Variants in PHF20L1 observed in about 807,000 individuals in gnomAD.
PHF20L1 encodes PHD finger protein 20-like protein 1.
A neutral mutation model predicts 125.5 loss-of-function variants in PHF20L1; 44 were observed. The observed-to-expected ratio is 0.35, with a 90% CI of 0.28 to 0.45. The LOEUF is 0.45. Ranked by LOEUF, PHF20L1 falls within the 20% of genes least tolerant of loss-of-function variation. The probability of loss-of-function intolerance (pLI) is 1.00; values close to 1 mark genes in which losing one functional copy is unlikely to be tolerated. For synonymous variants in PHF20L1, 380 were observed against 403.1 expected, an observed-to-expected ratio of 0.94 and a Z score of 0.69; for missense variants, 1,012 against 1,217.2, an observed-to-expected ratio of 0.83 and a Z score of 2.51.
In PHF20L1 at chr8:132,811,120, C is replaced by A; in HGVS notation, c.922C>A (p.Leu308Met). 1 of 1,610,056 alleles carries A rather than the reference C, an allele frequency of 6.2e-7. No homozygotes were observed. Among genetic ancestry groups the A allele is most frequent in the Non-Finnish European group, 8.5e-7 (1 of 1,176,662 alleles). The change falls in exon 9 of 21, where the codon CTG becomes ATG. Residue 308 changes from leucine to methionine, a missense_variant. Leu to Met is a conservative substitution (Grantham distance 15). This residue lies in a region of PHF20L1 where 119 missense variants were observed against 160.2 expected (regional missense o/e 0.74). Coordinates refer to ENST00000395386, the MANE Select transcript of PHF20L1 (RefSeq NM_016018.5). The part of the protein sequence containing the change: ...KEDYNETAPM[L>M]EQAISPKPQS... ...AGACTACAATGAAACAGCTCCAATG[C>A]TGGAGCAGGTATGAAATGGTAGCAT...
intron 4 of PHF20L1, 94 bp from the exon 5 acceptor site, chr8:132,798,678 C>A (rs369046359): frequency 4.1e-6 from 3 of 724,984 alleles, no homozygotes; most frequent in Non-Finnish European, 4.5e-6. Context: ...ATTCCTAAAG[C>A]ATTTATCTAT....
chr8:132,795,036 T>G (rs1832219704), intron 4 of PHF20L1, among the ~76,000 whole-genome samples: 1 of 152,146 alleles, frequency 6.6e-6, no homozygotes, highest in Non-Finnish European at 1.5e-5. Context: ...TAGACAAAAA[T>G]AGTTGGTTAA....
At position 132,825,255 on chromosome 8, in the gene PHF20L1, A is replaced by G. The variant is rs759851340; in HGVS notation, c.1637-9A>G. 11 of 1,593,072 alleles carry G rather than the reference A, an allele frequency of 6.9e-6. No individual in the cohort carries two copies. The South Asian group carries it at 1.1e-4, about 16-fold the overall frequency. ...CGTGATTGCTAAAGTATTCACTTTTATCTTTTAGGTAAGAGAAAAGAAAAA... is the reference window on the plus strand; with the variant it reads ...CGTGATTGCTAAAGTATTCACTTTTGTCTTTTAGGTAAGAGAAAAGAAAAA... On this transcript the variant is annotated splice_polypyrimidine_tract_variant and intron_variant, in intron 13 of 20. Transcript: ENST00000395386.
chr8:132,799,331 CCTGACACT>C, intron 6 of PHF20L1, 159 bp downstream of exon 6: 1 of 526,546 alleles, frequency 1.9e-6, no homozygotes, highest in East Asian at 3.0e-5. Flanking sequence ...AAGGCGCTTA[CCTGACACT>C]CTGTAGGCTG....
rs762574749 is a variant in PHF20L1 at position 132,804,626 on chromosome 8, G to C, written c.733G>C (p.Glu245Gln). 1 of 1,606,646 alleles carries C rather than the reference G, an allele frequency of 6.2e-7. No individual in the cohort carries two copies. The highest frequency in any genetic ancestry group is 1.1e-5 in the South Asian group (1 of 90,836). Residue 245 changes from glutamate (E) to glutamine (Q), a missense_variant, in exon 8 of 21, where the codon GAG becomes CAG. Coordinates refer to ENST00000395386, the MANE Select transcript of PHF20L1 (RefSeq NM_016018.5). The stretch of plus-strand genomic sequence containing the variant: ...TCTGTTGAAAGTAGGACTTCATGTA[G>C]AGAACGTTCCAAAGATGGTCTTTCC... ...TSSETFGLHVENVPKMVFPQP... is the reference protein window; with the variant it reads ...TSSETFGLHVQNVPKMVFPQP...
chr8:132,805,863 A>G (rs1389080832), intron 8 of PHF20L1, among the ~76,000 whole-genome samples: 3 of 151,932 alleles, frequency 2.0e-5, no homozygotes, highest in Non-Finnish European at 2.9e-5. Context: ...CTGATAAAGG[A>G]TATACTTGGC....
chr8:132,813,980 GT>G (rs137863501), intron 9 of PHF20L1, among the ~76,000 whole-genome samples: 18 of 146,734 alleles, frequency 1.2e-4, no homozygotes, highest in Non-Finnish European at 1.7e-4. Flanking sequence ...TATCTCTTTG[GT>G]TTTTTTTTTG....
intron 7 of PHF20L1, 30 bp from the exon 8 acceptor site, chr8:132,804,585 A>T (rs1833469870): frequency 6.5e-7 from 1 of 1,547,880 alleles, no homozygotes; most frequent in Non-Finnish European, 8.8e-7. Flanking sequence ...TTCTAGATAA[A>T]CTCTCATATA....
At chr8:132,809,579 C>T (rs770206402) in intron 8 of PHF20L1, 11 of 152,120 alleles carry the variant, frequency 7.2e-5, no homozygotes, top group Non-Finnish European at 1.2e-4. Context: ...ATCATACTGC[C>T]TTTGAGGGGG....
At chr8:132,815,448 A>T (rs1193911368) in intron 10 of PHF20L1, 5 of 151,874 alleles carry the variant, frequency 3.3e-5, no homozygotes, top group Admixed American at 2.0e-4. Context: ...TCACATGGGT[A>T]TATCTATCTA....
intron 19 of PHF20L1, chr8:132,843,271 G>A (rs557499064): frequency 5.5e-4 from 543 of 984,976 alleles, no homozygotes; most frequent in Non-Finnish European, 6.2e-4. Context: ...CTAATTGTCT[G>A]TTTAAAAAAT....
At chr8:132,832,448 G>T in intron 15 of PHF20L1, 49 bp downstream of exon 15, 3 of 1,325,386 alleles carry the variant, frequency 2.3e-6, no homozygotes, top group Non-Finnish European at 3.2e-6. Flanking sequence ...ATTCCTAAAT[G>T]TGTAACTGAG....
At chr8:132,812,002 G>A in intron 9 of PHF20L1, 12 of 982,532 alleles carry the variant, frequency 1.2e-5, no homozygotes, top group Non-Finnish European at 1.4e-5. Flanking sequence ...AGTTTTTCAG[G>A]GTTATTTTAG....
intron 2 of PHF20L1, among the ~76,000 whole-genome samples, chr8:132,784,452 A>T (rs1325958882): frequency 6.6e-6 from 1 of 152,118 alleles, no homozygotes; most frequent in African/African-American, 2.4e-5. Context: ...GTGCAGTTGA[A>T]TTCCAAACTC....
intron 18 of PHF20L1, chr8:132,841,833 A>C (rs561861449): frequency 6.6e-6 from 1 of 152,276 alleles, no homozygotes; most frequent in African/African-American, 2.4e-5. Context: ...GTGCAAAGAC[A>C]CACACAGGTA....
chr8:132,827,249 T>C (rs933245132), intron 14 of PHF20L1, among the ~76,000 whole-genome samples: 1 of 151,206 alleles, frequency 6.6e-6, no homozygotes, highest in South Asian at 2.1e-4. Flanking sequence ...AAACAAAAAC[T>C]ATTCACTGTG....
chr8:132,798,895 G>A (rs1043146562), intron 5 of PHF20L1, 35 bp downstream of exon 5: 3 of 1,399,868 alleles, frequency 2.1e-6, no homozygotes, highest in African/African-American at 2.9e-5. Flanking sequence ...TACCCAAAGG[G>A]TTATCTTCTT....
At chr8:132,818,404 G>A (rs954307107) in intron 12 of PHF20L1, 8 of 151,800 alleles carry the variant, frequency 5.3e-5, no homozygotes, top group African/African-American at 1.4e-4. Flanking sequence ...GTTTACAGGC[G>A]TCTTCCCTGA....
intron 2 of PHF20L1, among the ~76,000 whole-genome samples, chr8:132,790,644 A>T (rs1031208626): frequency 4.6e-5 from 7 of 152,240 alleles, no homozygotes; most frequent in Non-Finnish European, 7.3e-5. Flanking sequence ...ATCTCTGAAC[A>T]TGAGGTCTTT....
Sources: gnomAD v4.1 joint callset for allele counts (sites outside exome capture counted in the v4.1 genomes callset) on GRCh38, gnomAD v4.1.1 for gene constraint, gnomAD v4.1.1 regional missense constraint, MANE v1.5 for transcripts, NCBI Gene and HGNC (gene_info 2026-07-23, HGNC 2026-07-21) for gene names.